Variants in ADGRL3 observed in about 807,000 individuals in gnomAD.
The protein encoded by ADGRL3 is adhesion G protein-coupled receptor L3.
Under a neutral mutation model 153.5 loss-of-function variants are expected in ADGRL3, and 62 were observed. That is an observed-to-expected ratio of 0.40 (90% CI 0.33 to 0.50). The LOEUF is 0.50. ADGRL3 is among the 20% of genes least tolerant of loss of function. ADGRL3 has a pLI of 0.47. For synonymous variants in ADGRL3, 710 were observed against 672.5 expected, an observed-to-expected ratio of 1.06 and a Z score of -0.86; for missense variants, 1,641 against 1,859.4, an observed-to-expected ratio of 0.88 and a Z score of 2.16.
intron 4 of ADGRL3, among the ~76,000 whole-genome samples, chr4:61,550,161 G>T: frequency 6.7e-6 from 1 of 149,858 alleles, no homozygotes; most frequent in African/African-American, 2.5e-5. Flanking sequence ...TATATTATTT[G>T]AAGATTTATT....
chr4:62,051,206 G>A, intron 25 of ADGRL3, among the ~76,000 whole-genome samples: 1 of 143,188 alleles, frequency 7.0e-6, no homozygotes, highest in African/African-American at 2.6e-5. Flanking sequence ...ATACACAAAG[G>A]ATATATATGT....
chr4:62,009,208 A>G (rs2099172872), intron 21 of ADGRL3, among the ~76,000 whole-genome samples: 1 of 152,176 alleles, frequency 6.6e-6, no homozygotes, highest in Non-Finnish European at 1.5e-5. Context: ...AATCAGTTAG[A>G]TGTCAAACAC....
At chr4:61,650,156 G>A (rs2094192603) in intron 5 of ADGRL3, among the ~76,000 whole-genome samples, 1 of 152,080 alleles carries the variant, frequency 6.6e-6, no homozygotes, top group Non-Finnish European at 1.5e-5. Context: ...TTCAACAAGA[G>A]TAGATGTTTT....
At chr4:61,818,057 C>T (rs1011287657) in intron 9 of ADGRL3, among the ~76,000 whole-genome samples, 31 of 152,130 alleles carry the variant, frequency 2.0e-4, no homozygotes, top group Non-Finnish European at 4.4e-4. Flanking sequence ...CCCCTAAAGT[C>T]TTAACTCATT....
chr4:61,402,326 T>C (rs1035199686), intron 2 of ADGRL3, among the ~76,000 whole-genome samples: 2 of 152,162 alleles, frequency 1.3e-5, no homozygotes, highest in African/African-American at 4.8e-5. Context: ...TTCAAAAAAT[T>C]TTTTTAAAAA....
rs578159976 is a variant in ADGRL3 at position 62,013,301 on chromosome 4, G to A, written c.3395+15036G>A. 5.9e-5 allele frequency among the ~76,000 whole-genome samples: 9 copies of A among 152,186 alleles called. No homozygotes were observed. The East Asian group carries it at 1.4e-3, about 23-fold the overall frequency. On this transcript the variant is annotated intron_variant, in intron 21 of 26. Coordinates refer to ENST00000683033, the MANE Select transcript of ADGRL3 (RefSeq NM_001387552.1). ...TGTATTCCCAGCACTTTGGGAGGCC[G>A]AGGAGGGCAGATCATCTGATGTCAG... is the stretch of plus-strand genomic sequence containing the variant.
intron 6 of ADGRL3, among the ~76,000 whole-genome samples, chr4:61,703,143 T>G (rs188318858): frequency 2.8e-3 from 426 of 152,264 alleles, no homozygotes; most frequent in African/African-American, 9.5e-3. Flanking sequence ...TGAGAATCCT[T>G]AAGTAATTTA....
chr4:61,975,429 A>C (rs2099044535), intron 17 of ADGRL3, among the ~76,000 whole-genome samples: 1 of 152,106 alleles, frequency 6.6e-6, no homozygotes, highest in East Asian at 1.9e-4. Context: ...AGGTCAATGG[A>C]AGTGGAATGA....
chr4:61,890,681 T>C (rs2098572750), intron 9 of ADGRL3, among the ~76,000 whole-genome samples: 1 of 152,230 alleles, frequency 6.6e-6, no homozygotes, highest in Non-Finnish European at 1.5e-5. Context: ...GGTTCCACTT[T>C]TCAACACTCT....
At chr4:61,470,056 C>T (rs1468383759) in intron 2 of ADGRL3, among the ~76,000 whole-genome samples, 1 of 151,970 alleles carries the variant, frequency 6.6e-6, no homozygotes, top group Non-Finnish European at 1.5e-5. Flanking sequence ...TTAAATTCAG[C>T]ATATCCCTTG....
intron 2 of ADGRL3, among the ~76,000 whole-genome samples, chr4:61,428,871 CTATATCATCTATCTATCTATATCATCT>C (rs1560616154): frequency 5.0e-4 from 59 of 118,000 alleles, no homozygotes; most frequent in Middle Eastern, 9.8e-3. Context: ...ATCTATCTAT[CTATATCATCTATCTATCTATATCATCT>C]ATCTATCTAT....
At chr4:61,973,310 C>G (rs933209882) in intron 17 of ADGRL3, among the ~76,000 whole-genome samples, 1 of 151,948 alleles carries the variant, frequency 6.6e-6, no homozygotes, top group African/African-American at 2.4e-5. Context: ...TTTACATGGA[C>G]AGAGTCACTT....
At chr4:61,847,788 T>TATATAATACAAAA (rs1554046064) in intron 9 of ADGRL3, among the ~76,000 whole-genome samples, 1 of 29,226 alleles carries the variant, frequency 3.4e-5, no homozygotes, top group African/African-American at 1.3e-4. Context: ...ACAAAATATA[T>TATATAATACAAAA]TATATATATA....
rs1166857549 is a variant in ADGRL3, at chr4:61,461,896, T to A, written c.-173-35225T>A. The stretch of plus-strand genomic sequence containing the variant: ...CTCAGAAATGCATTCTTATTTTTTT[T>A]AATTAATCTACCCAGAAAGACTGCC... On this transcript the variant is annotated intron_variant, in intron 2 of 26. Coordinates refer to ENST00000683033, the MANE Select transcript of ADGRL3 (RefSeq NM_001387552.1). Among the ~76,000 whole-genome samples the A allele has an allele frequency of 3.3e-5, 5 of 152,224 alleles. No individual in the cohort carries two copies. In the South Asian group the frequency reaches 8.3e-4, roughly 25 times the overall value.
chr4:62,011,294 A>C (rs1007236978), intron 21 of ADGRL3, among the ~76,000 whole-genome samples: 2 of 152,098 alleles, frequency 1.3e-5, no homozygotes, highest in Admixed American at 6.6e-5. Context: ...GAACACAATT[A>C]AACTTGGGAA....
At chr4:61,373,310 A>T (rs1372549591) in intron 1 of ADGRL3, among the ~76,000 whole-genome samples, 5 of 152,172 alleles carry the variant, frequency 3.3e-5, no homozygotes, top group Non-Finnish European at 7.4e-5. Context: ...TTATTGTAAT[A>T]ACCACAGCAT....
chr4:61,212,502 A>C (rs1022485797), intron 1 of ADGRL3, among the ~76,000 whole-genome samples: 1 of 152,196 alleles, frequency 6.6e-6, no homozygotes, highest in African/African-American at 2.4e-5. Flanking sequence ...TTCAAATGAT[A>C]GACATCTAAT....
chr4:61,800,086 A>G lies in ADGRL3; in HGVS notation c.1400-13723A>G, dbSNP rs548284137. On this transcript the variant is annotated intron_variant, in intron 8 of 26. Transcript: ENST00000683033. ...CATTGAACCTCTTGTGTACTGGGAC[A>G]TGTGACTTTGATTAAAGTTAATTAA... is the stretch of plus-strand genomic sequence containing the variant. 6.4e-4 allele frequency among the ~76,000 whole-genome samples: 97 copies of G among 152,290 alleles called. 2 individuals carry two copies. The highest frequency in any genetic ancestry group is 4.6e-3 in the South Asian group (22 of 4,820).
intron 9 of ADGRL3, among the ~76,000 whole-genome samples, chr4:61,886,494 T>A (rs748491199): frequency 1.3e-5 from 2 of 151,888 alleles, no homozygotes; most frequent in Non-Finnish European, 2.9e-5. Context: ...GAAAGATTTG[T>A]AAAGGGAAAA....
Sources: gnomAD v4.1 joint callset for allele counts (sites outside exome capture counted in the v4.1 genomes callset) on GRCh38, gnomAD v4.1.1 for gene constraint, MANE v1.5 for transcripts, NCBI Gene and HGNC (gene_info 2026-07-23, HGNC 2026-07-21) for gene names.